PROKR1: variants seen among roughly 807,000 people sequenced by gnomAD.
The protein encoded by PROKR1 is G protein-coupled receptor 73.
PROKR1 carries 21 observed loss-of-function variants against 22.8 expected under a neutral mutation model. That is an observed-to-expected ratio of 0.92 (90% CI 0.65 to 1.32). The LOEUF is 1.32. Ranked by LOEUF, PROKR1 falls within the 40% of genes most tolerant of loss-of-function variation. The pLI is 0.00. For synonymous variants in PROKR1, 193 were observed against 207.5 expected (o/e 0.93, Z 0.60); for missense variants, 548 against 514.2 (o/e 1.07, Z -0.64).
chr2:68,646,191 G>A lies in PROKR1; in HGVS notation c.370G>A (p.Val124Met). The change falls in exon 2 of 3, where the codon GTG (valine) becomes ATG (methionine). Residue 124 changes from valine (V) to methionine (M), a missense_variant. Physicochemically the swap from Val to Met is conservative, Grantham distance 21. Coordinates refer to ENST00000303786, the MANE Select transcript of PROKR1 (RefSeq NM_138964.4). ...VCCPFEMDYY[V>M]VRQLSWEHGH... ...CTGCCCCTTTGAGATGGACTACTATGTGGTGCGCCAGCTCTCCTGGGAGCA... is the reference window on the plus strand; with the variant it reads ...CTGCCCCTTTGAGATGGACTACTATATGGTGCGCCAGCTCTCCTGGGAGCA... 1.2e-6 allele frequency: 2 copies of A among 1,609,940 alleles called. No homozygotes were observed. The highest frequency in any genetic ancestry group is 1.7e-6 in the Non-Finnish European group (2 of 1,177,402).
In PROKR1 at chr2:68,645,893, C is replaced by A. The variant is rs1452545367; in HGVS notation, c.72C>A (p.Asn24Lys). The change falls in exon 2 of 3, where the codon AAC becomes AAA. Residue 24 changes from asparagine to lysine, a missense_variant. Coordinates refer to ENST00000303786, the MANE Select transcript of PROKR1 (RefSeq NM_138964.4). The stretch of plus-strand genomic sequence containing the variant: ...CCACCAGCTTCCTTTCTGTGCTCAA[C>A]CCTCATGGAGCCCATGCCACTTCCT... ...NTSTSFLSVL[N>K]PHGAHATSFP... 1 of 1,614,108 alleles carries A rather than the reference C, an allele frequency of 6.2e-7. No individual in the cohort carries two copies. The highest frequency in any genetic ancestry group is 8.5e-7 in the Non-Finnish European group (1 of 1,180,058).
chr2:68,653,892 G>C (rs1673388256), intron 2 of PROKR1, among the ~76,000 whole-genome samples: 1 of 150,162 alleles, frequency 6.7e-6, no homozygotes, highest in South Asian at 2.1e-4. Context: ...TTTGCGGTTA[G>C]AAAAAAAAAT....
Position 68,645,981 on chromosome 2 carries a change from A to C in PROKR1, c.160A>C (p.Asn54His), listed in dbSNP as rs1478266815. ...MPLDEDEDVT[N>H]SRTFFAAKIV... ...TTTGGATGAAGATGAGGATGTGACC[A>C]ATTCCAGGACGTTCTTTGCTGCCAA... The change falls in exon 2 of 3, where the codon AAT becomes CAT. Residue 54 changes from asparagine (N) to histidine (H), a missense_variant. Physicochemically the swap from Asn to His is moderately conservative, Grantham distance 68. Transcript: ENST00000303786. 2 of 1,614,246 alleles carry C rather than the reference A, an allele frequency of 1.2e-6. No individual in the cohort carries two copies. Among genetic ancestry groups the C allele is most frequent in the Non-Finnish European group, 1.7e-6 (2 of 1,180,048 alleles).
chr2:68,658,092 G>A lies in PROKR1; in HGVS notation c.*2516G>A, dbSNP rs899369172. On this transcript the variant is annotated 3_prime_UTR_variant, in exon 3 of 3. Transcript: ENST00000303786. ...TATTAAACAGGAGCTTTTTATATGC[G>A]GCAACCAAAGCCCACTCTGCTTTTC... 6.6e-6 allele frequency: 1 copy of A among 152,110 alleles called. No homozygotes were observed. The highest frequency in any genetic ancestry group is 2.4e-5 in the African/African-American group (1 of 41,416). 9.4% of individuals were successfully genotyped at this position (152,110 alleles called of 1,614,324 possible).
rs61133160 is a variant in PROKR1 at position 68,648,190 on chromosome 2, G to A, written c.485+1884G>A. 6.4e-3 allele frequency among the ~76,000 whole-genome samples: 977 copies of A among 152,258 alleles called. 7 individuals carry two copies. The highest frequency in any genetic ancestry group is 0.023 in the African/African-American group (935 of 41,554). ...ATGAGATCCATTTTACCACTTGAACGGAGTAACAATGGTAGGAGGAAGTAG... is the reference window on the plus strand; with the variant it reads ...ATGAGATCCATTTTACCACTTGAACAGAGTAACAATGGTAGGAGGAAGTAG... On this transcript the variant is annotated intron_variant, in intron 2 of 2. Coordinates refer to ENST00000303786, the MANE Select transcript of PROKR1 (RefSeq NM_138964.4).
At position 68,656,701 on chromosome 2, in the gene PROKR1, TATG is replaced by T. The variant is rs1172089643; in HGVS notation, c.*1128_*1130del. 1 of 152,218 alleles carries T rather than the reference TATG, an allele frequency of 6.6e-6. No homozygotes were observed. Among genetic ancestry groups the T allele is most frequent in the Non-Finnish European group, 1.5e-5 (1 of 68,042 alleles). The allele number at this position is 152,218 out of a possible 1,614,324, so 9.4% of individuals were successfully genotyped here. On this transcript the variant is annotated 3_prime_UTR_variant, in exon 3 of 3. Transcript: ENST00000303786. ...CAGCATGGTAAGGTATCCTCATCGATATGATTTGAGGGCAAGATATCCTTATTA... is the reference window on the plus strand; with the variant it reads ...CAGCATGGTAAGGTATCCTCATCGATATTTGAGGGCAAGATATCCTTATTA...
intron 2 of PROKR1, 37 bp from the exon 3 acceptor site, chr2:68,654,843 C>T: frequency 2.2e-6 from 3 of 1,393,012 alleles, no homozygotes; most frequent in Non-Finnish European, 2.0e-6. Flanking sequence ...GCACTTCTTT[C>T]TCACAGTGGC....
intron 2 of PROKR1, among the ~76,000 whole-genome samples, chr2:68,654,378 A>C (rs1261482217): frequency 1.3e-5 from 2 of 152,244 alleles, no homozygotes; most frequent in East Asian, 3.8e-4. Flanking sequence ...TTAACAGCCA[A>C]CAATACTTGT....
chr2:68,653,039 G>T (rs1449204295), intron 2 of PROKR1, among the ~76,000 whole-genome samples: 1 of 152,228 alleles, frequency 6.6e-6, no homozygotes, highest in Non-Finnish European at 1.5e-5. Flanking sequence ...GTGGAATGTG[G>T]TGGGGTAGAC....
chr2:68,654,780 C>A, intron 2 of PROKR1, 100 bp from the exon 3 acceptor site: 1 of 1,175,024 alleles, frequency 8.5e-7, no homozygotes, highest in Non-Finnish European at 1.2e-6. Context: ...GCACTCCAGC[C>A]TGGGTGACAG....
chr2:68,651,251 T>TACTC (rs1435047162), intron 2 of PROKR1, among the ~76,000 whole-genome samples: 1 of 152,102 alleles, frequency 6.6e-6, no homozygotes, highest in Non-Finnish European at 1.5e-5. Flanking sequence ...TAGTCCCAGC[T>TACTC]ACTCAGGAGG....
chr2:68,645,908 T>C lies in PROKR1; in HGVS notation c.87T>C (p.His29=). 6.2e-7 allele frequency: 1 copy of C among 1,614,216 alleles called. No homozygotes were observed. Among genetic ancestry groups the C allele is most frequent in the Non-Finnish European group, 8.5e-7 (1 of 1,180,022 alleles). Residue 29 remains histidine, a synonymous_variant, in exon 2 of 3, where the codon CAT becomes CAC. Transcript: ENST00000303786. ...CTGTGCTCAACCCTCATGGAGCCCA[T>C]GCCACTTCCTTCCCATTCAACTTCA... is the stretch of plus-strand genomic sequence containing the variant. ...FLSVLNPHGA[H]ATSFPFNFSY...
chr2:68,653,199 C>G (rs917703948), intron 2 of PROKR1, among the ~76,000 whole-genome samples: 9 of 152,178 alleles, frequency 5.9e-5, no homozygotes, highest in African/African-American at 9.7e-5. Flanking sequence ...TTGCCAACAC[C>G]CTGCAGACAT....
intron 2 of PROKR1, 70 bp downstream of exon 2, chr2:68,646,376 G>C: frequency 6.3e-7 from 1 of 1,581,728 alleles, no homozygotes. Flanking sequence ...GCCCCCTCCT[G>C]TACTGCAGTT....
chr2:68,650,140 G>A (rs909296773), intron 2 of PROKR1, among the ~76,000 whole-genome samples: 8 of 151,544 alleles, frequency 5.3e-5, no homozygotes, highest in Non-Finnish European at 8.8e-5. Context: ...TGGGTGCAGT[G>A]CACCAGCATG....
At chr2:68,645,003 T>C (rs1673143424) in intron 1 of PROKR1, among the ~76,000 whole-genome samples, 1 of 152,168 alleles carries the variant, frequency 6.6e-6, no homozygotes, top group African/African-American at 2.4e-5. Flanking sequence ...GTGCAGACAT[T>C]ATTGATCTCC....
intron 2 of PROKR1, among the ~76,000 whole-genome samples, chr2:68,653,425 G>GA (rs113052443): frequency 0.18 from 26,577 of 148,254 alleles, 2,568 homozygotes; most frequent in African/African-American, 0.25. Flanking sequence ...ATACAGTCAG[G>GA]AAAAAAAAAA....
At position 68,646,224 on chromosome 2, in the gene PROKR1, G is replaced by T; in HGVS notation, c.403G>T (p.Val135Phe). 6.2e-7 allele frequency: 1 copy of T among 1,613,718 alleles called. No homozygotes were observed. Among genetic ancestry groups the T allele is most frequent in the Non-Finnish European group, 8.5e-7 (1 of 1,179,716 alleles). The part of the protein sequence containing the change: ...VRQLSWEHGH[V>F]LCTSVNYLRT... ...CCAGCTCTCCTGGGAGCACGGCCAC[G>T]TCCTGTGCACCTCTGTCAACTACCT... The change falls in exon 2 of 3, where the codon GTC becomes TTC. Residue 135 changes from valine (V) to phenylalanine (F), a missense_variant. Val to Phe is a conservative substitution (Grantham distance 50). Transcript: ENST00000303786.
At chr2:68,652,418 A>C (rs1673351501) in intron 2 of PROKR1, among the ~76,000 whole-genome samples, 1 of 152,240 alleles carries the variant, frequency 6.6e-6, no homozygotes. Flanking sequence ...ACCTATTTGT[A>C]AATATATCAG....
Sources: allele counts gnomAD v4.1 joint callset (sites outside exome capture counted in the v4.1 genomes callset), GRCh38; gene constraint gnomAD v4.1.1; transcripts MANE v1.5; gene names NCBI Gene and HGNC (gene_info 2026-07-23, HGNC 2026-07-21).